Variants in ENOX1 observed in about 807,000 individuals in gnomAD.
The protein encoded by ENOX1 is candidate growth-related and time keeping constitutive hydroquinone (NADH) oxidase.
ENOX1 carries 42 observed loss-of-function variants against 82.5 expected under a neutral mutation model. That is an observed-to-expected ratio of 0.51 (90% CI 0.40 to 0.66). The LOEUF (loss-of-function observed/expected upper bound fraction) is 0.66, where lower values mean the gene tolerates loss of function less well. ENOX1 is among the 30% of genes least tolerant of loss of function. The pLI is 0.00. For missense variants in ENOX1, 608 were observed against 811.6 expected (o/e 0.75, Z 3.05); for synonymous variants, 271 against 282.2 (o/e 0.96, Z 0.40).
At chr13:43,319,351 G>A (rs1012455798) in intron 11 of ENOX1, among the ~76,000 whole-genome samples, 98 of 152,084 alleles carry the variant, frequency 6.4e-4, no homozygotes, top group South Asian at 1.5e-3. Flanking sequence ...TGTAGATACT[G>A]CAGAATTATA....
chr13:43,309,505 G>C (rs1371157572), intron 11 of ENOX1, among the ~76,000 whole-genome samples: 1 of 152,116 alleles, frequency 6.6e-6, no homozygotes, highest in Non-Finnish European at 1.5e-5. Context: ...ACAGTGGAGA[G>C]GAAACGCAGA....
intron 3 of ENOX1, among the ~76,000 whole-genome samples, chr13:43,476,860 T>C (rs2058304787): frequency 6.6e-6 from 1 of 152,094 alleles, no homozygotes. Flanking sequence ...CATAGCAGCA[T>C]CATACAGTCA....
chr13:43,597,797 T>G (rs1053788762), intron 2 of ENOX1, among the ~76,000 whole-genome samples: 1 of 152,182 alleles, frequency 6.6e-6, no homozygotes. Flanking sequence ...TATCTCCCAC[T>G]GCTCACTTTC....
intron 13 of ENOX1, among the ~76,000 whole-genome samples, chr13:43,267,974 G>A (rs952055042): frequency 6.6e-6 from 1 of 152,096 alleles, no homozygotes; most frequent in African/African-American, 2.4e-5. Context: ...AATGGAGAGT[G>A]AAGTGTGATG....
At chr13:43,597,069 G>C (rs2081505801) in intron 2 of ENOX1, among the ~76,000 whole-genome samples, 1 of 152,168 alleles carries the variant, frequency 6.6e-6, no homozygotes, top group Non-Finnish European at 1.5e-5. Context: ...AAGGCGAAGG[G>C]GAAGAAAGCA....
At chr13:43,553,340 T>G (rs570309559) in intron 2 of ENOX1, among the ~76,000 whole-genome samples, 2 of 152,304 alleles carry the variant, frequency 1.3e-5, no homozygotes, top group East Asian at 3.9e-4. Flanking sequence ...GCTACTTTAC[T>G]TCTCAAAACA....
At chr13:43,387,683 C>T (rs2052506473) in intron 5 of ENOX1, among the ~76,000 whole-genome samples, 1 of 151,966 alleles carries the variant, frequency 6.6e-6, no homozygotes, top group African/African-American at 2.4e-5. Flanking sequence ...GATATATAAA[C>T]ATACACATGC....
At chr13:43,270,207 T>G (rs1038771674) in intron 12 of ENOX1, among the ~76,000 whole-genome samples, 1 of 152,186 alleles carries the variant, frequency 6.6e-6, no homozygotes, top group African/African-American at 2.4e-5. Context: ...CTATCAACTG[T>G]AACTCATGTG....
intron 1 of ENOX1, among the ~76,000 whole-genome samples, chr13:43,672,274 T>C (rs2085303941): frequency 1.3e-5 from 2 of 152,224 alleles, no homozygotes; most frequent in Admixed American, 1.3e-4. Flanking sequence ...AAGTAAAGTA[T>C]TTTGTAAAAA....
intron 3 of ENOX1, among the ~76,000 whole-genome samples, chr13:43,446,483 C>A (rs2056655356): frequency 6.6e-6 from 1 of 151,964 alleles, no homozygotes; most frequent in Non-Finnish European, 1.5e-5. Context: ...TTGAATACAT[C>A]CCAGTGGCTC....
chr13:43,249,081 T>C (rs542080023), intron 14 of ENOX1, among the ~76,000 whole-genome samples: 1 of 152,286 alleles, frequency 6.6e-6, no homozygotes, highest in Non-Finnish European at 1.5e-5. Context: ...CATGCTTAAA[T>C]TGTGGTCTCA....
intron 3 of ENOX1, among the ~76,000 whole-genome samples, chr13:43,422,831 A>G (rs548331186): frequency 9.2e-4 from 140 of 152,350 alleles, no homozygotes; most frequent in African/African-American, 2.8e-3. Context: ...TATTTTTCTC[A>G]GGAAAACTTT....
At chr13:43,778,624 C>T (rs1056650215) in intron 1 of ENOX1, among the ~76,000 whole-genome samples, 15 of 152,198 alleles carry the variant, frequency 9.9e-5, no homozygotes, top group African/African-American at 3.6e-4. Flanking sequence ...TTCAGCTCTC[C>T]TTCTCTACAA....
chr13:43,511,321 G>C (rs2077360472), intron 2 of ENOX1, among the ~76,000 whole-genome samples: 1 of 152,050 alleles, frequency 6.6e-6, no homozygotes, highest in African/African-American at 2.4e-5. Flanking sequence ...ATTTGCTTCA[G>C]GAACATTCTT....
At chr13:43,740,759 T>C (rs1009628820) in intron 1 of ENOX1, among the ~76,000 whole-genome samples, 1 of 152,202 alleles carries the variant, frequency 6.6e-6, no homozygotes, top group African/African-American at 2.4e-5. Flanking sequence ...GTCTTTTATG[T>C]CTGGATTCTT....
intron 3 of ENOX1, among the ~76,000 whole-genome samples, chr13:43,430,854 C>T (rs2055613379): frequency 6.6e-6 from 1 of 152,234 alleles, no homozygotes; most frequent in African/African-American, 2.4e-5. Context: ...TTAAATACCA[C>T]ATGGATGCCA....
intron 12 of ENOX1, among the ~76,000 whole-genome samples, chr13:43,289,080 A>T (rs2045861285): frequency 6.6e-6 from 1 of 152,216 alleles, no homozygotes; most frequent in South Asian, 2.1e-4. Flanking sequence ...CAACACAAAT[A>T]AATGGAAAAA....
chr13:43,448,110 G>A (rs1345795236), intron 3 of ENOX1, among the ~76,000 whole-genome samples: 1 of 152,186 alleles, frequency 6.6e-6, no homozygotes, highest in Non-Finnish European at 1.5e-5. Context: ...TGCTGCAGCT[G>A]GTGCACTGCA....
intron 3 of ENOX1, among the ~76,000 whole-genome samples, chr13:43,483,095 G>A (rs150805710): frequency 1.2e-3 from 188 of 152,274 alleles, no homozygotes; most frequent in African/African-American, 4.4e-3. Context: ...AAGAGAGAAA[G>A]CATTTGTCAC....
Sources: allele counts gnomAD v4.1 joint callset (sites outside exome capture counted in the v4.1 genomes callset), GRCh38; gene constraint gnomAD v4.1.1; transcripts MANE v1.5; gene names NCBI Gene and HGNC (gene_info 2026-07-23, HGNC 2026-07-21).